The following CDH8 variants were observed in gnomAD, a reference collection of about 807,000 sequenced individuals.
CDH8 encodes the protein cadherin-8.
CDH8 carries 17 observed loss-of-function variants against 68.1 expected under a neutral mutation model. The observed-to-expected ratio is 0.25, with a 90% CI of 0.17 to 0.37. The LOEUF is 0.37. Among genes scored for constraint, CDH8 ranks in the 10% least tolerant of loss-of-function variants. The probability of loss-of-function intolerance (pLI) is 1.00; values close to 1 mark genes in which losing one functional copy is unlikely to be tolerated. For missense variants in CDH8, 763 were observed against 999.3 expected (o/e 0.76, Z 3.19); for synonymous variants, 372 against 365.1 (o/e 1.02, Z -0.21).
chr16:61,796,255 G>A (rs1961499192), intron 7 of CDH8, among the ~76,000 whole-genome samples: 1 of 151,802 alleles, frequency 6.6e-6, no homozygotes, highest in African/African-American at 2.4e-5. Flanking sequence ...TTTTATTTTA[G>A]GTTAAAAAAA....
chr16:61,826,278 AT>A lies in CDH8; in HGVS notation c.668-1100del, dbSNP rs1455696493. On this transcript the variant is annotated intron_variant, in intron 4 of 11. Transcript: ENST00000577390. ...ATAATTTTTCATTGTACAATATACT[AT>A]ACATGGCTAAGGCATTCTCATATTG... Among the ~76,000 whole-genome samples the A allele has an allele frequency of 2.6e-5, 4 of 151,924 alleles. No individual in the cohort carries two copies. The East Asian group carries it at 7.8e-4, about 29-fold the overall frequency.
chr16:61,959,965 G>GGT (rs1206234057), intron 2 of CDH8, among the ~76,000 whole-genome samples: 21 of 56,822 alleles, frequency 3.7e-4, no homozygotes, highest in African/African-American at 1.1e-3. Flanking sequence ...CTCTGTATGT[G>GGT]GTGTATGTGT....
At chr16:61,996,257 T>C (rs1466010462) in intron 2 of CDH8, among the ~76,000 whole-genome samples, 5 of 152,210 alleles carry the variant, frequency 3.3e-5, no homozygotes, top group Non-Finnish European at 7.3e-5. Flanking sequence ...AAGTCCAGGA[T>C]GAAAGAATCA....
chr16:61,668,798 C>T (rs1266525300), intron 10 of CDH8, among the ~76,000 whole-genome samples: 1 of 151,878 alleles, frequency 6.6e-6, no homozygotes, highest in Non-Finnish European at 1.5e-5. Flanking sequence ...AAATTCCCTA[C>T]CATGTCTCTA....
intron 2 of CDH8, among the ~76,000 whole-genome samples, chr16:61,987,689 T>TC (rs2150586925): frequency 6.6e-6 from 1 of 152,046 alleles, no homozygotes; most frequent in African/African-American, 2.4e-5. Context: ...CAATATGATG[T>TC]CAAAAACATG....
intron 10 of CDH8, among the ~76,000 whole-genome samples, chr16:61,709,666 A>G (rs950142230): frequency 6.6e-6 from 1 of 152,090 alleles, no homozygotes; most frequent in African/African-American, 2.4e-5. Flanking sequence ...AGTGATCCCA[A>G]CAATTGGAAA....
chr16:61,780,353 C>A (rs1961017988), intron 8 of CDH8, among the ~76,000 whole-genome samples: 1 of 152,148 alleles, frequency 6.6e-6, no homozygotes, highest in South Asian at 2.1e-4. Context: ...CATGTTAGAT[C>A]CACTACCACT....
At chr16:61,849,476 A>G (rs1212309047) in intron 4 of CDH8, among the ~76,000 whole-genome samples, 2 of 152,140 alleles carry the variant, frequency 1.3e-5, no homozygotes, top group Non-Finnish European at 2.9e-5. Context: ...GAGGCTTACA[A>G]GGGACTCCAC....
At chr16:61,744,447 TCA>T (rs1465701508) in intron 8 of CDH8, among the ~76,000 whole-genome samples, 1 of 152,016 alleles carries the variant, frequency 6.6e-6, no homozygotes, top group Non-Finnish European at 1.5e-5. Context: ...TTCAATCATC[TCA>T]GTCTCTATTT....
chr16:61,788,983 C>G (rs967792018), intron 8 of CDH8, among the ~76,000 whole-genome samples: 4 of 151,912 alleles, frequency 2.6e-5, no homozygotes, highest in African/African-American at 9.7e-5. Flanking sequence ...ATTGTATGTA[C>G]CATACTATAT....
chr16:61,935,281 A>G (rs1055988090), intron 2 of CDH8, among the ~76,000 whole-genome samples: 1 of 152,222 alleles, frequency 6.6e-6, no homozygotes, highest in Non-Finnish European at 1.5e-5. Context: ...TATGATGTAT[A>G]ACTAGAAAAA....
At chr16:61,695,962 A>G (rs565869419) in intron 10 of CDH8, among the ~76,000 whole-genome samples, 1 of 152,294 alleles carries the variant, frequency 6.6e-6, no homozygotes, top group African/African-American at 2.4e-5. Flanking sequence ...CAAATTTGAT[A>G]GCAGATCTTG....
chr16:61,713,064 T>G (rs1266412854), intron 10 of CDH8, among the ~76,000 whole-genome samples: 2 of 151,612 alleles, frequency 1.3e-5, no homozygotes, highest in Non-Finnish European at 3.0e-5. Context: ...TTGCTAATCA[T>G]TCTAAAACAG....
chr16:61,845,405 T>A (rs971163219), intron 4 of CDH8, among the ~76,000 whole-genome samples: 17 of 150,970 alleles, frequency 1.1e-4, no homozygotes, highest in Non-Finnish European at 4.4e-5. Context: ...AATATTAAAG[T>A]TAATGGAATG....
At chr16:62,030,686 A>C (rs184836926) in intron 1 of CDH8, among the ~76,000 whole-genome samples, 18 of 152,286 alleles carry the variant, frequency 1.2e-4, no homozygotes, top group Admixed American at 1.2e-3. Context: ...TCTGACTGCA[A>C]ATGAACTATA....
At chr16:61,716,137 A>G (rs1964725630) in intron 9 of CDH8, among the ~76,000 whole-genome samples, 1 of 151,660 alleles carries the variant, frequency 6.6e-6, no homozygotes, top group Non-Finnish European at 1.5e-5. Context: ...TGGTTTTCTC[A>G]AGTAGAGATC....
chr16:61,713,972 CTTG>C lies in CDH8; in HGVS notation c.1537-17_1537-15del, dbSNP rs1204659382. ...AGTTTGAATGACCTGAAACATAAAACTTGACGTCAGCATTTCTGATGATTTCAG... is the reference window on the plus strand; with the variant it reads ...AGTTTGAATGACCTGAAACATAAAACACGTCAGCATTTCTGATGATTTCAG... On this transcript the variant is annotated splice_polypyrimidine_tract_variant and intron_variant, in intron 9 of 11. Coordinates refer to ENST00000577390, the MANE Select transcript of CDH8 (RefSeq NM_001796.5). The C allele has an allele frequency of 7.5e-6, 11 of 1,463,202 alleles. No homozygotes were observed. Among genetic ancestry groups the C allele is most frequent in the Non-Finnish European group, 2.9e-6 (3 of 1,043,686 alleles). The allele number at this position is 1,463,202 out of a possible 1,614,324, so 90.6% of individuals were successfully genotyped here. A position where few individuals can be genotyped will look rare whatever the true frequency, so the allele number is the denominator to read the frequency against.
intron 4 of CDH8, among the ~76,000 whole-genome samples, chr16:61,829,163 G>A (rs1282573330): frequency 6.6e-6 from 1 of 151,698 alleles, no homozygotes; most frequent in Non-Finnish European, 1.5e-5. Flanking sequence ...AAAGACTCCT[G>A]CAAAGACTTT....
chr16:61,970,844 T>C (rs1965325903), intron 2 of CDH8, among the ~76,000 whole-genome samples: 1 of 152,162 alleles, frequency 6.6e-6, no homozygotes, highest in African/African-American at 2.4e-5. Context: ...CACGTATACA[T>C]CCAGATGGCC....
Sources: gnomAD v4.1 joint callset for allele counts (sites outside exome capture counted in the v4.1 genomes callset) on GRCh38, gnomAD v4.1.1 for gene constraint, MANE v1.5 for transcripts, NCBI Gene and HGNC (gene_info 2026-07-23, HGNC 2026-07-21) for gene names.